TTBK2: variants seen among roughly 807,000 people sequenced by gnomAD.
The protein encoded by TTBK2 is tau-tubulin kinase 2.
A neutral mutation model predicts 110.8 loss-of-function variants in TTBK2; 28 were observed. The observed-to-expected ratio is 0.25, with a 90% CI of 0.19 to 0.35. The LOEUF (loss-of-function observed/expected upper bound fraction) is 0.35, where lower values mean the gene tolerates loss of function less well. Ranked by LOEUF, TTBK2 falls within the 10% of genes least tolerant of loss-of-function variation. The pLI is 1.00. For synonymous variants in TTBK2, 532 were observed against 527.3 expected, an observed-to-expected ratio of 1.01 and a Z score of -0.12; for missense variants, 1,369 against 1,500.3, an observed-to-expected ratio of 0.91 and a Z score of 1.45.
rs145462881 is a variant in TTBK2, at chr15:42,893,229, A to C, written c.-67-14545T>G. ...ATGAAAAATGAGGCCAGGTGCAGTGACTTAGGCCTATAATCCCAACACTTT... is the reference window on the plus strand; with the variant it reads ...ATGAAAAATGAGGCCAGGTGCAGTGCCTTAGGCCTATAATCCCAACACTTT... On this transcript the variant is annotated intron_variant, in intron 1 of 14. Transcript: ENST00000267890. 2.2e-4 allele frequency among the ~76,000 whole-genome samples: 33 copies of C among 152,220 alleles called. No homozygotes were observed. The East Asian group carries it at 6.4e-3, about 29-fold the overall frequency.
chr15:42,831,260 T>C (rs757540295), intron 4 of TTBK2, among the ~76,000 whole-genome samples: 5 of 151,976 alleles, frequency 3.3e-5, no homozygotes, highest in Non-Finnish European at 7.4e-5. Flanking sequence ...TAAATAGAGA[T>C]GGAGTCTCGC....
intron 1 of TTBK2, among the ~76,000 whole-genome samples, chr15:42,911,979 C>T (rs956314078): frequency 6.6e-6 from 1 of 152,132 alleles, no homozygotes; most frequent in East Asian, 1.9e-4. Flanking sequence ...CACACACACA[C>T]ACACACAACT....
chr15:42,781,940 A>C (rs1256095796), intron 11 of TTBK2, among the ~76,000 whole-genome samples: 1 of 152,166 alleles, frequency 6.6e-6, no homozygotes, highest in Non-Finnish European at 1.5e-5. Context: ...CTTTGACATG[A>C]TATATATGAA....
chr15:42,780,168 C>T (rs1350148996), intron 11 of TTBK2, among the ~76,000 whole-genome samples: 2 of 146,382 alleles, frequency 1.4e-5, no homozygotes, highest in African/African-American at 5.0e-5. Context: ...ACTACAGGTA[C>T]GTGCCAACAT....
At chr15:42,813,925 G>A (rs997428809) in intron 7 of TTBK2, among the ~76,000 whole-genome samples, 10 of 151,946 alleles carry the variant, frequency 6.6e-5, no homozygotes, top group African/African-American at 2.4e-4. Flanking sequence ...CCAAGAAGCA[G>A]AAGAAAGTAA....
intron 6 of TTBK2, among the ~76,000 whole-genome samples, chr15:42,820,677 T>A (rs1175885726): frequency 4.0e-5 from 6 of 150,914 alleles, no homozygotes; most frequent in Non-Finnish European, 8.9e-5. Context: ...TATGCCCAAA[T>A]AATGGAATAC....
chr15:42,785,025 G>T (rs775146183), intron 10 of TTBK2, among the ~76,000 whole-genome samples: 5 of 151,744 alleles, frequency 3.3e-5, no homozygotes, highest in African/African-American at 1.2e-4. Context: ...ATCAACTTTC[G>T]CAGTGCCATA....
At chr15:42,795,949 T>C (rs1443060580) in intron 9 of TTBK2, among the ~76,000 whole-genome samples, 1 of 151,346 alleles carries the variant, frequency 6.6e-6, no homozygotes, top group Admixed American at 6.6e-5. Flanking sequence ...AGTTAAGAGA[T>C]TACTGTCAGC....
chr15:42,753,528 C>T lies in TTBK2; in HGVS notation c.1999-281G>A, dbSNP rs374309779. 4.6e-5 allele frequency among the ~76,000 whole-genome samples: 7 copies of T among 152,258 alleles called. No individual in the cohort carries two copies. The East Asian group carries it at 7.7e-4, about 17-fold the overall frequency. Reference sequence around the variant, plus strand: ...GGAAGACTAATTTCTATAGACTGCACCACCTGGGTTTCCTGGCTTTCTGAT... The same window carrying T: ...GGAAGACTAATTTCTATAGACTGCATCACCTGGGTTTCCTGGCTTTCTGAT... On this transcript the variant is annotated intron_variant, in intron 13 of 14. Coordinates refer to ENST00000267890, the MANE Select transcript of TTBK2 (RefSeq NM_173500.4).
chr15:42,747,966 G>A lies in TTBK2; in HGVS notation c.3273-1709C>T, dbSNP rs2061818400. On this transcript the variant is annotated intron_variant, in intron 14 of 14. Coordinates refer to ENST00000267890, the MANE Select transcript of TTBK2 (RefSeq NM_173500.4). ...ATACACAAAGCACAAAACTATAAGG[G>A]TACTGGAAATTACTACCTTTTAAAA... Among the ~76,000 whole-genome samples, 5 of 152,204 alleles carry A rather than the reference G, an allele frequency of 3.3e-5. No homozygotes were observed. The South Asian group carries it at 1.0e-3, about 32-fold the overall frequency.
At chr15:42,838,967 C>T (rs953312187) in intron 4 of TTBK2, among the ~76,000 whole-genome samples, 3 of 151,942 alleles carry the variant, frequency 2.0e-5, no homozygotes, top group Admixed American at 6.6e-5. Flanking sequence ...ATTTTAGGTT[C>T]GGGGGTATAT....
chr15:42,780,453 G>A (rs1890136341), intron 11 of TTBK2, among the ~76,000 whole-genome samples: 1 of 151,750 alleles, frequency 6.6e-6, no homozygotes, highest in South Asian at 2.1e-4. Context: ...TATCAGAAAG[G>A]TAGTTAGGAT....
At chr15:42,855,893 A>G (rs1893920456) in intron 3 of TTBK2, among the ~76,000 whole-genome samples, 1 of 152,158 alleles carries the variant, frequency 6.6e-6, no homozygotes, top group Non-Finnish European at 1.5e-5. Flanking sequence ...CGTGTTAGCC[A>G]GGATGGTCTC....
chr15:42,894,185 C>T (rs1045953631), intron 1 of TTBK2, among the ~76,000 whole-genome samples: 1 of 152,150 alleles, frequency 6.6e-6, no homozygotes, highest in Admixed American at 6.6e-5. Flanking sequence ...CTTTGTTCCT[C>T]CTTTGCCTTT....
At chr15:42,754,015 G>T (rs1184409495) in intron 13 of TTBK2, among the ~76,000 whole-genome samples, 3 of 151,576 alleles carry the variant, frequency 2.0e-5, no homozygotes, top group Non-Finnish European at 2.9e-5. Flanking sequence ...TAAATACTAG[G>T]ATTATATCTT....
chr15:42,818,342 T>C (rs1230908558), intron 6 of TTBK2, among the ~76,000 whole-genome samples: 1 of 152,226 alleles, frequency 6.6e-6, no homozygotes, highest in Admixed American at 6.5e-5. Flanking sequence ...AATATAGATA[T>C]AGGCTCTGAG....
chr15:42,801,286 G>C, intron 9 of TTBK2: 1 of 1,539,800 alleles, frequency 6.5e-7, no homozygotes, highest in South Asian at 1.2e-5. Flanking sequence ...ACGTTCATCA[G>C]CTCCTGGTAC....
Position 42,745,819 on chromosome 15 carries a change from C to T in TTBK2, c.3711G>A (p.Lys1237=). The change falls in exon 15 of 15, where the codon AAG becomes AAA. Residue 1237 remains lysine (K), a synonymous_variant. Coordinates refer to ENST00000267890, the MANE Select transcript of TTBK2 (RefSeq NM_173500.4). ...ASTKTPQGKS[K]PASKLSR is the part of the protein sequence containing the mutation. ...CCTATCTGCTGAGTTTACTGGCTGG[C>T]TTACTCTTCCCTTGGGGGGTTTTAG... The T allele has an allele frequency of 6.2e-7, 1 of 1,611,766 alleles. No individual in the cohort carries two copies. Among genetic ancestry groups the T allele is most frequent in the Middle Eastern group, 1.7e-4 (1 of 5,982 alleles).
At chr15:42,759,167 GCA>G in intron 13 of TTBK2, among the ~76,000 whole-genome samples, 1 of 152,334 alleles carries the variant, frequency 6.6e-6, no homozygotes, top group Non-Finnish European at 1.5e-5. Flanking sequence ...TTTGAGTCCT[GCA>G]CAGCAGGAAA....
Sources: gnomAD v4.1 joint callset for allele counts (sites outside exome capture counted in the v4.1 genomes callset) on GRCh38, gnomAD v4.1.1 for gene constraint, MANE v1.5 for transcripts, NCBI Gene and HGNC (gene_info 2026-07-23, HGNC 2026-07-21) for gene names.